Variants in SV2C observed in about 807,000 individuals in gnomAD.
SV2C encodes the protein solute carrier family 22 member B3.
In SV2C, 49 loss-of-function variants were observed where a neutral mutation model predicts 79.7. That is an observed-to-expected ratio of 0.61 (90% CI 0.49 to 0.78). The LOEUF (loss-of-function observed/expected upper bound fraction) is 0.78. Among genes scored for constraint, SV2C ranks in the 30% least tolerant of loss-of-function variants. SV2C has a pLI of 0.00. For missense variants in SV2C, 833 were observed against 912.9 expected (o/e 0.91, Z 1.13); for synonymous variants, 334 against 333.2 (o/e 1.00, Z -0.03).
chr5:76,146,797 T>A (rs9293672), intron 2 of SV2C, among the ~76,000 whole-genome samples: 2,836 of 39,154 alleles, frequency 0.072, 301 homozygotes, highest in African/African-American at 0.15. Flanking sequence ...AGTTTTTTTT[T>A]AAAAAAAAAA....
intron 2 of SV2C, among the ~76,000 whole-genome samples, chr5:76,184,469 A>T (rs144071038): frequency 6.6e-6 from 1 of 152,248 alleles, no homozygotes; most frequent in African/African-American, 2.4e-5. Context: ...GTCCGTTCTC[A>T]TACTGCTATA....
At chr5:76,075,663 CT>C in the SV2C span, 1 of 311,142 alleles carries the variant, frequency 3.2e-6, no homozygotes. Context: ...TGGATGCAAC[CT>C]TGAATTAACT....
At chr5:76,094,197 A>G (rs1747469198) in intron 1 of SV2C, among the ~76,000 whole-genome samples, 1 of 152,214 alleles carries the variant, frequency 6.6e-6, no homozygotes, top group African/African-American at 2.4e-5. Context: ...TCATGATGGT[A>G]TAATTTTTTT....
chr5:76,010,300 C>A, the SV2C span, among the ~76,000 whole-genome samples: 1 of 152,148 alleles, frequency 6.6e-6, no homozygotes, highest in African/African-American at 2.4e-5. Context: ...CATGCCTGCT[C>A]GTCAGGGTGG....
chr5:75,972,121 A>C, the SV2C span, among the ~76,000 whole-genome samples: 1 of 152,176 alleles, frequency 6.6e-6, no homozygotes, highest in African/African-American at 2.4e-5. Flanking sequence ...CTGGCTAGCC[A>C]TATGTAGAAA....
At chr5:76,238,321 T>C (rs1291272562) in intron 4 of SV2C, among the ~76,000 whole-genome samples, 1 of 150,508 alleles carries the variant, frequency 6.6e-6, no homozygotes, top group Non-Finnish European at 1.5e-5. Flanking sequence ...TGTGTGTGTA[T>C]GTGTGTATGT....
At chr5:75,898,113 GGA>G in the SV2C span, among the ~76,000 whole-genome samples, 2 of 152,168 alleles carry the variant, frequency 1.3e-5, no homozygotes, top group Non-Finnish European at 2.9e-5. Flanking sequence ...ATGTTGAATA[GGA>G]GTAGTGAGAG....
the SV2C span, among the ~76,000 whole-genome samples, chr5:75,995,392 T>A: frequency 6.6e-6 from 1 of 152,042 alleles, no homozygotes; most frequent in Non-Finnish European, 1.5e-5. Flanking sequence ...TGGGCTGAGA[T>A]TTCAGAGGTT....
intron 2 of SV2C, among the ~76,000 whole-genome samples, chr5:76,150,050 C>A (rs987360016): frequency 6.6e-6 from 1 of 152,148 alleles, no homozygotes; most frequent in Non-Finnish European, 1.5e-5. Flanking sequence ...GATGGAAAAT[C>A]GAAAGAGTTA....
the SV2C span, among the ~76,000 whole-genome samples, chr5:75,916,977 G>A: frequency 6.6e-6 from 1 of 152,172 alleles, no homozygotes; most frequent in African/African-American, 2.4e-5. Context: ...GCAACTCTGA[G>A]TTGTGGATTC....
the SV2C span, among the ~76,000 whole-genome samples, chr5:76,035,347 G>C: frequency 6.6e-6 from 1 of 151,884 alleles, no homozygotes; most frequent in African/African-American, 2.4e-5. Flanking sequence ...GATGTTAGAG[G>C]GCAATTTTGG....
At chr5:76,033,510 T>G in the SV2C span, among the ~76,000 whole-genome samples, 1 of 152,232 alleles carries the variant, frequency 6.6e-6, no homozygotes, top group Admixed American at 6.5e-5. Flanking sequence ...AGGGAATCCT[T>G]TCCCCATTGC....
At chr5:76,028,618 C>T in the SV2C span, among the ~76,000 whole-genome samples, 4 of 152,192 alleles carry the variant, frequency 2.6e-5, no homozygotes, top group Middle Eastern at 3.2e-3. Context: ...AGACAATAAT[C>T]TGGAAGATGC....
intron 3 of SV2C, among the ~76,000 whole-genome samples, chr5:76,202,399 C>G (rs1744478968): frequency 6.6e-6 from 1 of 152,160 alleles, no homozygotes; most frequent in African/African-American, 2.4e-5. Flanking sequence ...AAGTTCCTAT[C>G]TGAGGTCACA....
chr5:76,175,753 A>T (rs772312548), intron 2 of SV2C, among the ~76,000 whole-genome samples: 2 of 152,262 alleles, frequency 1.3e-5, no homozygotes, highest in Non-Finnish European at 2.9e-5. Context: ...AACTTTCTAA[A>T]TAAAAGCTAA....
chr5:76,294,170 A>G (rs1018869893), intron 8 of SV2C, among the ~76,000 whole-genome samples: 2 of 152,208 alleles, frequency 1.3e-5, no homozygotes, highest in African/African-American at 4.8e-5. Context: ...AGAGCAGCAC[A>G]GTCTAATAGA....
rs182008486 is a variant in SV2C at position 76,142,555 on chromosome 5, C to T, written c.580+10225C>T. Reference sequence around the variant, plus strand: ...GTCATTCATAATTCACTGTTCCAGTCCCTTGCTTAGCCATCTGTTACTGAG... The same window carrying T: ...GTCATTCATAATTCACTGTTCCAGTTCCTTGCTTAGCCATCTGTTACTGAG... On this transcript the variant is annotated intron_variant, in intron 2 of 12. Coordinates refer to ENST00000502798, the MANE Select transcript of SV2C (RefSeq NM_014979.4). Among the ~76,000 whole-genome samples the T allele has an allele frequency of 1.3e-3, 205 of 152,244 alleles. 2 individuals carry two copies. Among genetic ancestry groups the T allele is most frequent in the African/African-American group, 4.4e-3 (182 of 41,546 alleles).
chr5:76,028,554 A>T, the SV2C span, among the ~76,000 whole-genome samples: 2 of 152,234 alleles, frequency 1.3e-5, no homozygotes, highest in Non-Finnish European at 2.9e-5. Context: ...AGTGGCAGCA[A>T]ATCATCATGG....
chr5:76,192,531 T>C (rs1744135574), intron 2 of SV2C, among the ~76,000 whole-genome samples: 1 of 152,200 alleles, frequency 6.6e-6, no homozygotes, highest in Admixed American at 6.5e-5. Flanking sequence ...GACTCCCCGT[T>C]ATAACACTGT....
Sources: gnomAD v4.1 joint callset for allele counts (sites outside exome capture counted in the v4.1 genomes callset) on GRCh38, gnomAD v4.1.1 for gene constraint, MANE v1.5 for transcripts, NCBI Gene and HGNC (gene_info 2026-07-23, HGNC 2026-07-21) for gene names.